The following XIRP2 variants were observed in gnomAD, a reference collection of about 807,000 sequenced individuals.
The protein encoded by XIRP2 is xin actin-binding repeat-containing protein 2.
XIRP2 carries 236 observed loss-of-function variants against 277.0 expected under a neutral mutation model. The observed-to-expected ratio is 0.85, with a 90% CI of 0.77 to 0.95. The LOEUF is 0.95. Among genes scored for constraint, XIRP2 ranks in the 40% least tolerant of loss-of-function variants. The pLI is 0.00. For synonymous variants in XIRP2, 1,490 were observed against 1,416.5 expected (o/e 1.05, Z -1.17); for missense variants, 4,640 against 4,157.5 (o/e 1.12, Z -3.19).
At chr2:166,978,680 TA>T (rs1558936477) in intron 2 of XIRP2, among the ~76,000 whole-genome samples, 1 of 152,124 alleles carries the variant, frequency 6.6e-6, no homozygotes, top group African/African-American at 2.4e-5. Context: ...TTCCTGTTTG[TA>T]TATAAAAAAT....
chr2:167,193,879 CA>C (rs767047580), intron 3 of XIRP2, among the ~76,000 whole-genome samples: 7,002 of 71,736 alleles, frequency 0.098, 115 homozygotes, highest in Non-Finnish European at 0.11. Context: ...GACTCTGTCT[CA>C]AAAAAAAAAA....
chr2:167,084,617 G>A (rs983447484), intron 2 of XIRP2, among the ~76,000 whole-genome samples: 2 of 151,926 alleles, frequency 1.3e-5, no homozygotes, highest in African/African-American at 4.8e-5. Flanking sequence ...CACAATTTCA[G>A]ATCCTGTTAT....
At chr2:166,975,120 T>C (rs1574128624) in intron 2 of XIRP2, among the ~76,000 whole-genome samples, 1 of 152,118 alleles carries the variant, frequency 6.6e-6, no homozygotes, top group South Asian at 2.1e-4. Context: ...TATAAATACA[T>C]ATTACCTAAT....
intron 2 of XIRP2, among the ~76,000 whole-genome samples, chr2:167,125,553 A>G (rs1691177046): frequency 6.6e-6 from 1 of 152,134 alleles, no homozygotes; most frequent in African/African-American, 2.4e-5. Context: ...CCTCATTAGT[A>G]TTGTTAAATC....
chr2:166,929,231 T>C (rs1033603534), intron 2 of XIRP2, among the ~76,000 whole-genome samples: 1 of 152,078 alleles, frequency 6.6e-6, no homozygotes, highest in Non-Finnish European at 1.5e-5. Context: ...TGATCTTTAA[T>C]AATCCTGAAC....
intron 2 of XIRP2, among the ~76,000 whole-genome samples, chr2:167,037,522 T>G (rs71405941): frequency 5.3e-5 from 7 of 131,232 alleles, no homozygotes; most frequent in African/African-American, 1.1e-4. Context: ...GTGGGGGGTG[T>G]GTGTGTGTGT....
At chr2:167,205,211 G>T (rs1348656894) in intron 3 of XIRP2, among the ~76,000 whole-genome samples, 1 of 152,044 alleles carries the variant, frequency 6.6e-6, no homozygotes, top group African/African-American at 2.4e-5. Flanking sequence ...TTACACATTG[G>T]CTATAACACC....
At position 167,248,699 on chromosome 2, in the gene XIRP2, A is replaced by G. The variant is rs1573997786; in HGVS notation, c.7307A>G (p.Asn2436Ser). Residue 2436 changes from asparagine to serine, a missense_variant, in exon 9 of 11, where the codon AAT becomes AGT. Physicochemically the swap from Asn to Ser is conservative, Grantham distance 46. Transcript: ENST00000409195. ...KPKLPKHIKD[N>S]KNDFSPKVEL... ...AAACTTCCCAAGCATATAAAAGATAATAAGAACGATTTTTCCCCCAAAGTT... is the reference window on the plus strand; with the variant it reads ...AAACTTCCCAAGCATATAAAAGATAGTAAGAACGATTTTTCCCCCAAAGTT... 6.2e-7 allele frequency: 1 copy of G among 1,613,656 alleles called. No homozygotes were observed. The highest frequency in any genetic ancestry group is 1.3e-5 in the African/African-American group (1 of 74,876).
At chr2:166,999,097 T>A (rs1388384473) in intron 2 of XIRP2, among the ~76,000 whole-genome samples, 4 of 149,348 alleles carry the variant, frequency 2.7e-5, no homozygotes, top group African/African-American at 9.9e-5. Flanking sequence ...CATATATTTA[T>A]TTTTAAGTGG....
At chr2:167,148,399 AAGAAAAAG>A (rs1691918641) in intron 3 of XIRP2, among the ~76,000 whole-genome samples, 1 of 146,652 alleles carries the variant, frequency 6.8e-6, no homozygotes, top group African/African-American at 2.5e-5. Context: ...AAAAGAAAGA[AAGAAAAAG>A]AAAGAAAGAG....
intron 3 of XIRP2, among the ~76,000 whole-genome samples, chr2:167,199,510 A>G (rs182560184): frequency 1.2e-3 from 180 of 152,324 alleles, no homozygotes; most frequent in African/African-American, 4.1e-3. Flanking sequence ...AGGGTTGATC[A>G]TTTGAGGAAA....
At chr2:167,080,333 G>GAT (rs1349962558) in intron 2 of XIRP2, among the ~76,000 whole-genome samples, 1 of 152,176 alleles carries the variant, frequency 6.6e-6, no homozygotes, top group East Asian at 1.9e-4. Context: ...AAATCCCAGA[G>GAT]AGATAAAACA....
At chr2:167,085,326 G>A (rs1435123429) in intron 2 of XIRP2, among the ~76,000 whole-genome samples, 1 of 151,818 alleles carries the variant, frequency 6.6e-6, no homozygotes, top group Non-Finnish European at 1.5e-5. Context: ...TATAATCTCT[G>A]TTCTTTTACA....
intron 3 of XIRP2, among the ~76,000 whole-genome samples, chr2:167,188,276 T>C (rs1241587400): frequency 6.6e-6 from 1 of 152,162 alleles, no homozygotes; most frequent in Non-Finnish European, 1.5e-5. Flanking sequence ...TGTCGGGCCT[T>C]AAATGTTTAG....
chr2:166,907,128 T>G (rs959791521), intron 2 of XIRP2, among the ~76,000 whole-genome samples: 3 of 152,176 alleles, frequency 2.0e-5, no homozygotes, highest in African/African-American at 7.2e-5. Flanking sequence ...TAAAACACCA[T>G]GTTAAAACAA....
intron 1 of XIRP2, among the ~76,000 whole-genome samples, chr2:166,893,635 A>G (rs1011825056): frequency 2.6e-5 from 4 of 152,254 alleles, no homozygotes; most frequent in Middle Eastern, 6.8e-3. Flanking sequence ...GCACATTTGC[A>G]TATATTAAAG....
chr2:167,151,424 A>C (rs1168647762), intron 3 of XIRP2, among the ~76,000 whole-genome samples: 1 of 152,202 alleles, frequency 6.6e-6, no homozygotes, highest in Non-Finnish European at 1.5e-5. Flanking sequence ...TCCATGTAAC[A>C]AAACTGAACT....
At chr2:167,024,382 A>G (rs1434292861) in intron 2 of XIRP2, among the ~76,000 whole-genome samples, 1 of 152,082 alleles carries the variant, frequency 6.6e-6, no homozygotes, top group Non-Finnish European at 1.5e-5. Context: ...CTAGATATGC[A>G]ATCATGTCAT....
intron 5 of XIRP2, 72 bp from the exon 6 acceptor site, chr2:167,239,783 A>G: frequency 1.5e-6 from 2 of 1,290,818 alleles, no homozygotes; most frequent in Non-Finnish European, 2.2e-6. Flanking sequence ...TTGTCACTGA[A>G]ATTGCACAAA....
Sources: gnomAD v4.1 joint callset for allele counts (sites outside exome capture counted in the v4.1 genomes callset) on GRCh38, gnomAD v4.1.1 for gene constraint, MANE v1.5 for transcripts, NCBI Gene and HGNC (gene_info 2026-07-23, HGNC 2026-07-21) for gene names.